Variants in MS4A3 observed in about 807,000 individuals in gnomAD.
MS4A3 encodes membrane-spanning 4-domains subfamily A member 3.
A neutral mutation model predicts 24.7 loss-of-function variants in MS4A3; 18 were observed. The ratio of observed to expected loss-of-function variants is 0.73; its 90% CI spans 0.50 to 1.08. The LOEUF (loss-of-function observed/expected upper bound fraction) is 1.08. MS4A3 is among the 50% of genes least tolerant of loss of function. MS4A3 has a pLI of 0.00. For synonymous variants in MS4A3, 84 were observed against 95.3 expected (o/e 0.88, Z 0.69); for missense variants, 282 against 251.7 (o/e 1.12, Z -0.82).
At chr11:60,060,026 T>G (rs1443770298) in intron 1 of MS4A3, among the ~76,000 whole-genome samples, 1 of 152,224 alleles carries the variant, frequency 6.6e-6, no homozygotes, top group Non-Finnish European at 1.5e-5. Flanking sequence ...GAGGGTACTA[T>G]GAATTAGGAA....
chr11:60,068,232 C>T lies in MS4A3; in HGVS notation c.513+1120C>T, dbSNP rs191511090. 8.2e-3 allele frequency among the ~76,000 whole-genome samples: 1,128 copies of T among 138,198 alleles called. 14 individuals carry two copies. Among genetic ancestry groups the T allele is most frequent in the African/African-American group, 0.028 (1,060 of 37,984 alleles). 90.7% of individuals were successfully genotyped at this position (138,198 alleles called of 152,430 possible). On this transcript the variant is annotated intron_variant, in intron 5 of 6. Transcript: ENST00000278865. ...TTTTCAAAGGAAAGCTCTTTAATAACCTTACCTTTTTTTTTTTTTTTTTTT... is the reference window on the plus strand; with the variant it reads ...TTTTCAAAGGAAAGCTCTTTAATAATCTTACCTTTTTTTTTTTTTTTTTTT...
At chr11:60,067,823 G>A (rs892061235) in intron 5 of MS4A3, among the ~76,000 whole-genome samples, 8 of 151,556 alleles carry the variant, frequency 5.3e-5, no homozygotes, top group South Asian at 2.1e-4. Context: ...CGAGGCAGGC[G>A]GATCACGAGG....
chr11:60,065,433 T>G (rs1855345303), intron 4 of MS4A3, among the ~76,000 whole-genome samples: 1 of 152,208 alleles, frequency 6.6e-6, no homozygotes, highest in South Asian at 2.1e-4. Context: ...AACCTTGACA[T>G]TATTTCTCCC....
intron 1 of MS4A3, among the ~76,000 whole-genome samples, chr11:60,059,775 T>C (rs189218153): frequency 2.0e-5 from 3 of 152,320 alleles, no homozygotes; most frequent in Non-Finnish European, 2.9e-5. Context: ...CTTCATCCAG[T>C]CTACAAATGA....
chr11:60,058,637 G>A (rs956164738), intron 1 of MS4A3, among the ~76,000 whole-genome samples: 1 of 149,456 alleles, frequency 6.7e-6, no homozygotes, highest in Non-Finnish European at 1.5e-5. Flanking sequence ...GAAGACATTT[G>A]AGGGTTTAGA....
intron 4 of MS4A3, among the ~76,000 whole-genome samples, chr11:60,065,486 A>C (rs977257343): frequency 6.6e-6 from 1 of 151,972 alleles, no homozygotes; most frequent in Non-Finnish European, 1.5e-5. Context: ...CTGTAGCTAA[A>C]CTCCTTCAAA....
At position 60,061,176 on chromosome 11, in the gene MS4A3, G is replaced by A; in HGVS notation, c.16G>A (p.Val6Ile). 6.3e-7 allele frequency: 1 copy of A among 1,590,750 alleles called. No homozygotes were observed. The highest frequency in any genetic ancestry group is 8.5e-7 in the Non-Finnish European group (1 of 1,172,576). ...AACAACCCCAATGGCCTCCCACGAAGTTGATAATGCAGAGCTGGGGTCAGC... is the reference window on the plus strand; with the variant it reads ...AACAACCCCAATGGCCTCCCACGAAATTGATAATGCAGAGCTGGGGTCAGC... MASHE[V>I]DNAELGSASA... Residue 6 changes from valine to isoleucine, a missense_variant, in exon 2 of 7, where the codon GTT becomes ATT. By Grantham distance (29) the Val-to-Ile change is conservative. Coordinates refer to ENST00000278865, the MANE Select transcript of MS4A3 (RefSeq NM_006138.5).
intron 5 of MS4A3, among the ~76,000 whole-genome samples, chr11:60,067,563 C>A (rs1183803631): frequency 6.6e-6 from 1 of 152,036 alleles, no homozygotes; most frequent in Non-Finnish European, 1.5e-5. Context: ...TAATGAAGGG[C>A]AAATTAGATA....
At chr11:60,067,243 C>T (rs1449243224) in intron 5 of MS4A3, 131 bp downstream of exon 5, 15 of 758,100 alleles carry the variant, frequency 2.0e-5, no homozygotes, top group Non-Finnish European at 2.9e-5. Flanking sequence ...GACGGAGTCT[C>T]GCTCTGTCGC....
chr11:60,064,454 C>T lies in MS4A3; in HGVS notation c.351+136C>T, dbSNP rs188969091. 23 of 466,062 alleles carry T rather than the reference C, an allele frequency of 4.9e-5. No individual in the cohort carries two copies. The Admixed American group carries it at 7.3e-4, about 15-fold the overall frequency. The allele number at this position is 466,062 out of a possible 1,614,324, so 28.9% of individuals were successfully genotyped here. A position where few individuals can be genotyped will look rare whatever the true frequency, so the allele number is the denominator to read the frequency against. On this transcript the variant is annotated intron_variant, in intron 4 of 6. Coordinates refer to ENST00000278865, the MANE Select transcript of MS4A3 (RefSeq NM_006138.5). ...ATGCACAAAATATTAGTTTTCTTAA[C>T]GTGTTCAGATGGTAGGTCAGCAGAT...
chr11:60,067,253 C>T, intron 5 of MS4A3, 141 bp downstream of exon 5: 1 of 727,790 alleles, frequency 1.4e-6, no homozygotes, highest in Non-Finnish European at 2.1e-6. Flanking sequence ...CGCTCTGTCG[C>T]CCAGGCTGGA....
At position 60,069,582 on chromosome 11, in the gene MS4A3, G is replaced by A. The variant is rs774146618; in HGVS notation, c.522G>A (p.Val174=). ...GGCATCATATCCCCTAGGGCATGGT[G>A]TCTCTACTGCTGATTCTCACCTTGC... ...NYMGSISNGM[V]SLLLILTLLE... is the part of the protein sequence containing the mutation. Residue 174 remains valine (V), a synonymous_variant, in exon 6 of 7, where the codon GTG becomes GTA. Transcript: ENST00000278865. The A allele has an allele frequency of 5.6e-6, 9 of 1,611,652 alleles. No individual in the cohort carries two copies. Among genetic ancestry groups the A allele is most frequent in the Admixed American group, 1.7e-5 (1 of 59,916 alleles).
rs113979451 is a variant in MS4A3, at chr11:60,060,995, G to A, written c.-15-151G>A. The A allele has an allele frequency of 6.2e-4, 369 of 597,370 alleles. 2 individuals are homozygous for A. Among genetic ancestry groups the A allele is most frequent in the African/African-American group, 6.1e-3 (318 of 51,988 alleles). 37.0% of individuals were successfully genotyped at this position (597,370 alleles called of 1,614,324 possible). On this transcript the variant is annotated intron_variant, in intron 1 of 6. Transcript: ENST00000278865. ...CCAAGGCAAGACAGAATTGAATATT[G>A]TACAAACTCTGTTACTCTGCCCTGG...
chr11:60,064,532 A>G (rs902492728), intron 4 of MS4A3, among the ~76,000 whole-genome samples: 2 of 152,182 alleles, frequency 1.3e-5, no homozygotes, highest in African/African-American at 2.4e-5. Context: ...ATATTGGTGA[A>G]CTTGAAGCTT....
At position 60,061,239 on chromosome 11, in the gene MS4A3, G is replaced by A. The variant is rs774581864; in HGVS notation, c.79G>A (p.Glu27Lys). Residue 27 changes from glutamate to lysine, a missense_variant, in exon 2 of 7, where the codon GAA becomes AAA. Transcript: ENST00000278865. ...HGTPGSEAGPEELNTSVYQPI... is the reference protein window; with the variant it reads ...HGTPGSEAGPKELNTSVYQPI... ...TACCCCAGGCAGTGAGGCGGGACCA[G>A]AAGAGCTGAATACTTCTGTCTACCA... 10 of 1,613,922 alleles carry A rather than the reference G, an allele frequency of 6.2e-6. No homozygotes were observed. In the East Asian group the frequency reaches 2.2e-4, roughly 36 times the overall value.
intron 4 of MS4A3, 77 bp downstream of exon 4, chr11:60,064,395 C>T: frequency 9.1e-7 from 1 of 1,095,868 alleles, no homozygotes; most frequent in East Asian, 2.6e-5. Flanking sequence ...CAGTAAGTGT[C>T]CATGAATACA....
intron 6 of MS4A3, 36 bp from the exon 7 acceptor site, chr11:60,070,168 C>A: frequency 6.4e-7 from 1 of 1,562,682 alleles, no homozygotes; most frequent in Non-Finnish European, 8.8e-7. Context: ...AGATAATGAT[C>A]CTGTTCTTGG....
intron 3 of MS4A3, among the ~76,000 whole-genome samples, chr11:60,063,498 A>C (rs1855310435): frequency 6.6e-6 from 1 of 151,852 alleles, no homozygotes; most frequent in Non-Finnish European, 1.5e-5. Flanking sequence ...CCATTTTTTG[A>C]TGGGATTGTT....
Position 60,058,294 on chromosome 11 carries a change from G to A in MS4A3, c.-16+1554G>A, listed in dbSNP as rs1352164025. Among the ~76,000 whole-genome samples the A allele has an allele frequency of 2.0e-5, 3 of 151,616 alleles. No individual in the cohort carries two copies. In the East Asian group the frequency reaches 5.8e-4, roughly 30 times the overall value. ...AGGCTGAGGTGGGTGGATCACCTAG[G>A]TCAAGAGTTCGAGACCAGCCTGGCC... On this transcript the variant is annotated intron_variant, in intron 1 of 6. Transcript: ENST00000278865.
Sources: gnomAD v4.1 joint callset for allele counts (sites outside exome capture counted in the v4.1 genomes callset) on GRCh38, gnomAD v4.1.1 for gene constraint, MANE v1.5 for transcripts, NCBI Gene and HGNC (gene_info 2026-07-23, HGNC 2026-07-21) for gene names.